The following ARID5B variants were observed in gnomAD, a reference collection of about 807,000 sequenced individuals.
ARID5B encodes AT-rich interactive domain-containing protein 5B.
In ARID5B, 13 loss-of-function variants were observed where a neutral mutation model predicts 97.2. The ratio of observed to expected loss-of-function variants is 0.13; its 90% confidence interval spans 0.09 to 0.21. ARID5B has a LOEUF of 0.21. Ranked by LOEUF, ARID5B falls within the 10% of genes least tolerant of loss-of-function variation. The pLI is 1.00. For synonymous variants in ARID5B, 556 were observed against 570.3 expected, an observed-to-expected ratio of 0.97 and a Z score of 0.36; for missense variants, 1,210 against 1,465.3, an observed-to-expected ratio of 0.83 and a Z score of 2.84.
chr10:62,033,830 C>T (rs75606264), intron 4 of ARID5B, among the ~76,000 whole-genome samples: 3,190 of 152,266 alleles, frequency 0.021, 51 homozygotes, highest in Non-Finnish European at 0.032. Context: ...ATTCTCTTGA[C>T]GAACGGTTAA....
intron 3 of ARID5B, among the ~76,000 whole-genome samples, chr10:61,969,272 G>GTTTC (rs1474264923): frequency 1.3e-5 from 2 of 152,142 alleles, no homozygotes; most frequent in African/African-American, 2.4e-5. Context: ...CTAGCAGTTT[G>GTTTC]TTTCATCAGG....
At chr10:62,041,101 AC>A (rs1391251232) in intron 4 of ARID5B, among the ~76,000 whole-genome samples, 1 of 152,110 alleles carries the variant, frequency 6.6e-6, no homozygotes, top group Non-Finnish European at 1.5e-5. Flanking sequence ...GGTATTATCA[AC>A]CTTGTTGCTG....
chr10:61,971,289 TAA>T (rs1189477433), intron 3 of ARID5B, among the ~76,000 whole-genome samples: 1 of 152,234 alleles, frequency 6.6e-6, no homozygotes, highest in African/African-American at 2.4e-5. Context: ...GAAAGAAATT[TAA>T]GTCAGTCCTC....
chr10:62,077,522 A>ACC (rs565181528), intron 8 of ARID5B, among the ~76,000 whole-genome samples: 2 of 124,340 alleles, frequency 1.6e-5, no homozygotes, highest in South Asian at 2.7e-4. Context: ...TCTTTGTTTG[A>ACC]CCCCCCCCAA....
chr10:61,979,231 A>G (rs1191241830), intron 3 of ARID5B, among the ~76,000 whole-genome samples: 1 of 152,214 alleles, frequency 6.6e-6, no homozygotes, highest in Non-Finnish European at 1.5e-5. Flanking sequence ...TAGGTCCTAC[A>G]TTAGTGAGTT....
chr10:61,932,543 G>A (rs976543782), intron 2 of ARID5B, among the ~76,000 whole-genome samples: 6 of 151,776 alleles, frequency 4.0e-5, no homozygotes, highest in Non-Finnish European at 7.4e-5. Context: ...CTGAGTAGCT[G>A]GAACTATGGG....
At chr10:61,904,584 AG>A (rs902166620) in intron 2 of ARID5B, among the ~76,000 whole-genome samples, 20 of 152,308 alleles carry the variant, frequency 1.3e-4, no homozygotes, top group African/African-American at 4.6e-4. Context: ...AGTAAACTCT[AG>A]GGGGTTTGCG....
At chr10:61,910,231 G>A (rs1482865881) in intron 2 of ARID5B, among the ~76,000 whole-genome samples, 1 of 152,160 alleles carries the variant, frequency 6.6e-6, no homozygotes. Flanking sequence ...AATAAAGCAT[G>A]CCATTGTTCA....
intron 2 of ARID5B, among the ~76,000 whole-genome samples, chr10:61,938,183 T>C (rs890903987): frequency 1.3e-5 from 2 of 152,212 alleles, no homozygotes; most frequent in Admixed American, 1.3e-4. Flanking sequence ...AGGATAGTAT[T>C]TTCTCTTGGT....
rs947190560 is a variant in ARID5B, at chr10:61,978,101, A to G, written c.503-21990A>G. Among the ~76,000 whole-genome samples, 4 of 152,204 alleles carry G rather than the reference A, an allele frequency of 2.6e-5. No individual in the cohort carries two copies. The East Asian group carries it at 5.8e-4, about 22-fold the overall frequency. On this transcript the variant is annotated intron_variant, in intron 3 of 9. Transcript: ENST00000279873. ...ATGGCTGGCCAGTTTTCCCAGCACCATTTATTAAATAGGGAATCCTTTCCC... is the reference window on the plus strand; with the variant it reads ...ATGGCTGGCCAGTTTTCCCAGCACCGTTTATTAAATAGGGAATCCTTTCCC...
rs2132992730 is a variant in ARID5B, at chr10:62,095,467, T to G, written c.*2437T>G. 3 of 233,644 alleles carry G rather than the reference T, an allele frequency of 1.3e-5. No homozygotes were observed. In the Middle Eastern group the frequency reaches 3.8e-3, roughly 297 times the overall value. The allele number at this position is 233,644 out of a possible 1,614,324, so 14.5% of individuals were successfully genotyped here. A position where few individuals can be genotyped will look rare whatever the true frequency, so the allele number is the denominator to read the frequency against. On this transcript the variant is annotated 3_prime_UTR_variant, in exon 10 of 10. Coordinates refer to ENST00000279873, the MANE Select transcript of ARID5B (RefSeq NM_032199.3). ...TTCCACTGCAATGATTTCAGTCTGG[T>G]TTCATCATGTTGGAATTCGATCACA...
chr10:62,074,478 CT>C (rs1448557106), intron 8 of ARID5B, among the ~76,000 whole-genome samples: 1 of 152,134 alleles, frequency 6.6e-6, no homozygotes, highest in African/African-American at 2.4e-5. Flanking sequence ...GAGCTTCTGC[CT>C]TTTTTCTCTG....
intron 1 of ARID5B, 34 bp downstream of exon 1, chr10:61,901,764 C>T (rs1159943010): frequency 6.2e-7 from 1 of 1,601,784 alleles, no homozygotes; most frequent in South Asian, 1.1e-5. Context: ...CCGATCCCGG[C>T]ACCCCCCGGC....
intron 6 of ARID5B, 45 bp from the exon 7 acceptor site, chr10:62,059,198 A>G (rs1839892927): frequency 6.9e-7 from 1 of 1,441,566 alleles, no homozygotes; most frequent in Non-Finnish European, 9.6e-7. Context: ...TCTTGGAAGT[A>G]TGTTAATGCA....
intron 4 of ARID5B, among the ~76,000 whole-genome samples, chr10:62,011,003 A>C (rs551113115): frequency 6.6e-6 from 1 of 152,340 alleles, no homozygotes; most frequent in African/African-American, 2.4e-5. Context: ...AAAAAGGCTC[A>C]GCCAGTATAA....
chr10:61,958,218 A>G (rs1228062406), intron 3 of ARID5B, among the ~76,000 whole-genome samples: 1 of 152,130 alleles, frequency 6.6e-6, no homozygotes, highest in Non-Finnish European at 1.5e-5. Context: ...CATTGTAAAA[A>G]CTTAAAAGAG....
At chr10:61,939,799 C>T (rs1420676872) in intron 2 of ARID5B, among the ~76,000 whole-genome samples, 1 of 152,184 alleles carries the variant, frequency 6.6e-6, no homozygotes, top group Non-Finnish European at 1.5e-5. Context: ...GAGACAGGCT[C>T]ACCATTAGTC....
chr10:62,017,349 G>A (rs918283254), intron 4 of ARID5B, among the ~76,000 whole-genome samples: 3 of 152,082 alleles, frequency 2.0e-5, no homozygotes, highest in Admixed American at 1.3e-4. Context: ...CTACTGAGGA[G>A]GCTGAGGTGG....
intron 3 of ARID5B, among the ~76,000 whole-genome samples, chr10:61,982,491 A>T (rs1838789990): frequency 6.6e-6 from 1 of 151,928 alleles, no homozygotes; most frequent in Admixed American, 6.5e-5. Flanking sequence ...GTATTTATAT[A>T]TTCTGAGTTA....
Sources: allele counts gnomAD v4.1 joint callset (sites outside exome capture counted in the v4.1 genomes callset), GRCh38; gene constraint gnomAD v4.1.1; transcripts MANE v1.5; gene names NCBI Gene and HGNC (gene_info 2026-07-23, HGNC 2026-07-21).